The following MPPED2 variants were observed in gnomAD, a reference collection of about 807,000 sequenced individuals.
MPPED2 encodes metallophosphoesterase domain containing 2.
A neutral mutation model predicts 33.0 loss-of-function variants in MPPED2; 5 were observed. The observed-to-expected ratio is 0.15, with a 90% confidence interval of 0.08 to 0.32. MPPED2 has a LOEUF of 0.32. Among genes scored for constraint, MPPED2 ranks in the 10% least tolerant of loss-of-function variants. The pLI, the probability that MPPED2 is intolerant of heterozygous loss-of-function variation, is 1.00. For synonymous variants in MPPED2, 136 were observed against 141.9 expected (o/e 0.96, Z 0.29); for missense variants, 275 against 372.1 (o/e 0.74, Z 2.15).
At chr11:30,458,266 C>T (rs1950365079) in intron 4 of MPPED2, among the ~76,000 whole-genome samples, 1 of 152,162 alleles carries the variant, frequency 6.6e-6, no homozygotes, top group South Asian at 2.1e-4. Context: ...GAAAGAAACA[C>T]TGAGATCAGA....
intron 4 of MPPED2, among the ~76,000 whole-genome samples, chr11:30,493,123 A>G (rs1952059353): frequency 6.6e-6 from 1 of 152,198 alleles, no homozygotes; most frequent in Non-Finnish European, 1.5e-5. Flanking sequence ...AAAAAATTAT[A>G]GAAAATATCT....
chr11:30,502,071 TA>T (rs34339994), intron 3 of MPPED2, among the ~76,000 whole-genome samples: 13,537 of 152,168 alleles, frequency 0.089, 766 homozygotes, highest in African/African-American at 0.15. Context: ...AACCCTGGCT[TA>T]AAAAAATTAA....
chr11:30,553,389 C>T (rs763570435), intron 2 of MPPED2, among the ~76,000 whole-genome samples: 3 of 152,242 alleles, frequency 2.0e-5, no homozygotes, highest in African/African-American at 7.2e-5. Flanking sequence ...CATGTATGAC[C>T]ATCATCTAAA....
chr11:30,468,954 A>G (rs916115871), intron 4 of MPPED2: 5 of 152,178 alleles, frequency 3.3e-5, no homozygotes, highest in African/African-American at 1.2e-4. Context: ...CTTCCTTATC[A>G]GTTCAGGAAG....
chr11:30,424,970 T>C (rs1388815089), intron 4 of MPPED2, among the ~76,000 whole-genome samples: 1 of 152,228 alleles, frequency 6.6e-6, no homozygotes, highest in Non-Finnish European at 1.5e-5. Flanking sequence ...CCAGCCCAGC[T>C]GCCTCCAAAG....
chr11:30,440,465 T>G (rs976675427), intron 4 of MPPED2, among the ~76,000 whole-genome samples: 1 of 152,152 alleles, frequency 6.6e-6, no homozygotes, highest in Non-Finnish European at 1.5e-5. Flanking sequence ...GTCTAAGATA[T>G]TTATTACACC....
chr11:30,398,549 A>G (rs1369541978), intron 6 of MPPED2, among the ~76,000 whole-genome samples: 1 of 152,152 alleles, frequency 6.6e-6, no homozygotes, highest in African/African-American at 2.4e-5. Context: ...AACTACTGAG[A>G]TTACATGAGG....
intron 4 of MPPED2, among the ~76,000 whole-genome samples, chr11:30,432,920 A>G (rs892349089): frequency 1.3e-5 from 2 of 152,236 alleles, no homozygotes; most frequent in Non-Finnish European, 2.9e-5. Context: ...AACTGATATG[A>G]TAACATACAA....
chr11:30,487,727 C>T (rs889400716), intron 4 of MPPED2, among the ~76,000 whole-genome samples: 28 of 152,152 alleles, frequency 1.8e-4, no homozygotes, highest in Non-Finnish European at 3.2e-4. Context: ...CCTCCAACCT[C>T]AACCTCCCAA....
intron 3 of MPPED2, among the ~76,000 whole-genome samples, chr11:30,509,948 T>A (rs1365681808): frequency 2.0e-5 from 3 of 152,208 alleles, no homozygotes; most frequent in Non-Finnish European, 2.9e-5. Context: ...GTCAGAGATT[T>A]AAATGATTCA....
At chr11:30,575,145 A>G (rs1956871896) in intron 2 of MPPED2, among the ~76,000 whole-genome samples, 1 of 152,186 alleles carries the variant, frequency 6.6e-6, no homozygotes, top group Admixed American at 6.5e-5. Flanking sequence ...AATCACCCAG[A>G]TACCCTAAAA....
chr11:30,583,499 A>G (rs1470521952), intron 1 of MPPED2, among the ~76,000 whole-genome samples: 1 of 152,190 alleles, frequency 6.6e-6, no homozygotes, highest in Non-Finnish European at 1.5e-5. Flanking sequence ...ACACTGCCAA[A>G]CATTCATGCT....
At chr11:30,390,562 C>A (rs989354163) in intron 6 of MPPED2, among the ~76,000 whole-genome samples, 9 of 152,206 alleles carry the variant, frequency 5.9e-5, no homozygotes, top group Non-Finnish European at 1.2e-4. Flanking sequence ...CTGTGGCAGG[C>A]GCTGAAATAT....
downstream of MPPED2, among the ~76,000 whole-genome samples, chr11:30,407,521 A>G (rs1948008882): frequency 6.6e-6 from 1 of 152,202 alleles, no homozygotes; most frequent in Non-Finnish European, 1.5e-5. Context: ...AATGCAAACA[A>G]ACTTTCTCAG....
At chr11:30,405,423 A>G (rs1947974396), downstream of MPPED2, among the ~76,000 whole-genome samples, 1 of 152,158 alleles carries the variant, frequency 6.6e-6, no homozygotes, top group African/African-American at 2.4e-5. Context: ...TGTTTAGTCT[A>G]CCCATGCTTT....
intron 2 of MPPED2, among the ~76,000 whole-genome samples, chr11:30,552,999 T>C (rs1224375295): frequency 6.6e-6 from 1 of 152,046 alleles, no homozygotes; most frequent in Non-Finnish European, 1.5e-5. Flanking sequence ...CTAGGATAAA[T>C]AAAATAATGT....
intron 1 of MPPED2, 30 bp from the exon 2 acceptor site, chr11:30,580,524 G>A (rs1957119790): frequency 1.4e-6 from 2 of 1,403,980 alleles, no homozygotes; most frequent in Admixed American, 3.0e-5. Flanking sequence ...TATATAAAAT[G>A]AGAACAAAGA....
At chr11:30,481,065 G>T (rs1476010875) in intron 4 of MPPED2, among the ~76,000 whole-genome samples, 1 of 152,090 alleles carries the variant, frequency 6.6e-6, no homozygotes, top group Non-Finnish European at 1.5e-5. Context: ...ATTGTATTGG[G>T]TCTTCTTACA....
At chr11:30,513,143 A>G (rs1953324682) in intron 3 of MPPED2, among the ~76,000 whole-genome samples, 1 of 152,188 alleles carries the variant, frequency 6.6e-6, no homozygotes. Flanking sequence ...ATGAGAGACA[A>G]GATCTCAGTG....
Sources: allele counts gnomAD v4.1 joint callset (sites outside exome capture counted in the v4.1 genomes callset), GRCh38; gene constraint gnomAD v4.1.1; transcripts MANE v1.5; gene names NCBI Gene and HGNC (gene_info 2026-07-23, HGNC 2026-07-21).